FEZ1: variants seen among roughly 807,000 people sequenced by gnomAD.
FEZ1 encodes the protein fasciculation and elongation protein zeta-1.
In FEZ1, 20 loss-of-function variants were observed where a neutral mutation model predicts 49.3. The observed-to-expected ratio is 0.41, with a 90% CI of 0.29 to 0.59. The LOEUF (loss-of-function observed/expected upper bound fraction) is 0.59, where lower values mean the gene tolerates loss of function less well. FEZ1 is among the 20% of genes least tolerant of loss of function. The pLI is 0.36. For missense variants in FEZ1, 413 were observed against 476.0 expected (o/e 0.87, Z 1.23); for synonymous variants, 170 against 180.9 (o/e 0.94, Z 0.48).
intron 5 of FEZ1, among the ~76,000 whole-genome samples, chr11:125,457,499 TGTATATATATAC>T: frequency 1.0e-5 from 1 of 97,712 alleles, no homozygotes; most frequent in East Asian, 3.2e-4. Flanking sequence ...TGTGTATATA[TGTATATATATAC>T]ACATATATAT....
chr11:125,474,784 A>G (rs1957215371), intron 3 of FEZ1, among the ~76,000 whole-genome samples: 1 of 152,136 alleles, frequency 6.6e-6, no homozygotes, highest in Admixed American at 6.5e-5. Flanking sequence ...GCTACTCAGA[A>G]GGCTAAGGCA....
chr11:125,485,780 CAA>C (rs541680089), intron 2 of FEZ1, among the ~76,000 whole-genome samples: 16 of 114,082 alleles, frequency 1.4e-4, no homozygotes, highest in Admixed American at 1.9e-4. Context: ...TACTAAAAGA[CAA>C]AAAAAAAAAA....
chr11:125,489,855 G>A lies in FEZ1; in HGVS notation c.-45-33C>T, dbSNP rs749103078. ...AAATGAACAGCGTAATGTGAGTTTA[G>A]ACCAGGCTAATCTAAATAATAGAGT... On this transcript the variant is annotated intron_variant, in intron 1 of 9. Transcript: ENST00000278919. This position sits in a 1 kb window ranked among gnomAD's most constrained non-coding sequence, Gnocchi z 4.2. 152 of 1,489,736 alleles carry A rather than the reference G, an allele frequency of 1.0e-4. No individual in the cohort carries two copies. Among genetic ancestry groups the A allele is most frequent in the Middle Eastern group, 1.8e-4 (1 of 5,456 alleles). 92.3% of individuals were successfully genotyped at this position (1,489,736 alleles called of 1,614,324 possible).
intron 9 of FEZ1, among the ~76,000 whole-genome samples, chr11:125,447,020 AC>A (rs1399862064): frequency 2.6e-5 from 4 of 152,196 alleles, no homozygotes; most frequent in Non-Finnish European, 5.9e-5. Context: ...TCCCTCTGCA[AC>A]CGTACATAGT....
At chr11:125,463,436 T>G in intron 4 of FEZ1, 48 bp downstream of exon 4, 2 of 1,117,696 alleles carry the variant, frequency 1.8e-6, no homozygotes, top group Non-Finnish European at 2.7e-6. Context: ...GGACTTTTTC[T>G]CCATCAAAAG....
At chr11:125,485,567 G>A (rs1399089691) in intron 2 of FEZ1, among the ~76,000 whole-genome samples, 1 of 152,078 alleles carries the variant, frequency 6.6e-6, no homozygotes, top group Non-Finnish European at 1.5e-5. Flanking sequence ...GTGTTTTGCT[G>A]GTGTGCAGTC....
chr11:125,486,118 T>C (rs925799408), intron 2 of FEZ1, among the ~76,000 whole-genome samples: 1 of 152,226 alleles, frequency 6.6e-6, no homozygotes, highest in African/African-American at 2.4e-5. Context: ...TAGCTGACTA[T>C]TTGGTATTTA....
In FEZ1 at chr11:125,489,803, G is replaced by A. The variant is rs1052413514; in HGVS notation, c.-26C>T. The A allele has an allele frequency of 4.6e-6, 7 of 1,516,528 alleles. No individual in the cohort carries two copies. Among genetic ancestry groups the A allele is most frequent in the African/African-American group, 2.8e-5 (2 of 71,602 alleles). The allele number at this position is 1,516,528 out of a possible 1,614,324, so 93.9% of individuals were successfully genotyped here. ...TCTTGCTCAGCAGGAGAACAACAGC[G>A]ACTTTCAGGATGAGTTTATCTAAAA... On this transcript the variant is annotated 5_prime_UTR_variant, in exon 2 of 10. Coordinates refer to ENST00000278919, the MANE Select transcript of FEZ1 (RefSeq NM_005103.5). This position sits in a 1 kb window ranked among gnomAD's most constrained non-coding sequence, Gnocchi z 4.2.
intron 5 of FEZ1, among the ~76,000 whole-genome samples, chr11:125,457,737 T>C (rs2135746790): frequency 6.6e-6 from 1 of 151,964 alleles, no homozygotes; most frequent in East Asian, 1.9e-4. Context: ...GAGAATGAGG[T>C]ATCCACTCCC....
rs1956870558 is a variant in FEZ1 at position 125,443,148 on chromosome 11, T to C, written c.*2947A>G. 6.6e-6 allele frequency among the ~76,000 whole-genome samples: 1 copy of C among 152,166 alleles called. No individual in the cohort carries two copies. On this transcript the variant is annotated 3_prime_UTR_variant, in exon 10 of 10. Transcript: ENST00000278919. ...GTATTTGCCAGACAGACCTCTGACC[T>C]ACCTAGGAGGGCTCCCTGCAGACCG... is the stretch of plus-strand genomic sequence containing the variant.
intron 8 of FEZ1, among the ~76,000 whole-genome samples, chr11:125,449,777 G>A (rs369800825): frequency 6.6e-5 from 10 of 152,150 alleles, no homozygotes; most frequent in East Asian, 1.9e-4. Context: ...ACTTCATTTC[G>A]ATATCCTTGT....
intron 5 of FEZ1, 132 bp from the exon 6 acceptor site, chr11:125,456,238 C>A: frequency 3.5e-6 from 3 of 851,654 alleles, no homozygotes; most frequent in South Asian, 2.1e-5. Flanking sequence ...CTTAAAGATC[C>A]AAGAAAGACC....
At chr11:125,494,782 G>A (rs1957441157) in intron 1 of FEZ1, among the ~76,000 whole-genome samples, 1 of 152,198 alleles carries the variant, frequency 6.6e-6, no homozygotes, top group South Asian at 2.1e-4. Context: ...TGCACTCGCT[G>A]CATCTCGGGG....
chr11:125,453,472 A>G (rs922387759), intron 7 of FEZ1: 8 of 152,210 alleles, frequency 5.3e-5, no homozygotes, highest in African/African-American at 1.9e-4. Context: ...TAAAACATAT[A>G]CACTTTCATG....
rs1447306950 is a variant in FEZ1, at chr11:125,495,850, G to A, written c.-46+271C>T. 5.7e-5 allele frequency: 18 copies of A among 317,760 alleles called. No homozygotes were observed. In the East Asian group the frequency reaches 1.7e-3, roughly 30 times the overall value. The allele number at this position is 317,760 out of a possible 1,614,324, so 19.7% of individuals were successfully genotyped here. On this transcript the variant is annotated intron_variant, in intron 1 of 9. Transcript: ENST00000278919. This position sits in a 1 kb window ranked among gnomAD's most constrained non-coding sequence, Gnocchi z 4.2. ...CACACACACACCAGGCCTGGCTGGA[G>A]GGCCGATGCTGAGATGATACTGGAA...
intron 3 of FEZ1, among the ~76,000 whole-genome samples, chr11:125,473,979 T>TA (rs1221854052): frequency 4.0e-5 from 6 of 151,834 alleles, no homozygotes; most frequent in Admixed American, 2.0e-4. Flanking sequence ...ACACAAAGTA[T>TA]AAAAAGGAAA....
intron 3 of FEZ1, among the ~76,000 whole-genome samples, chr11:125,474,840 A>G (rs1226992394): frequency 1.3e-5 from 2 of 152,198 alleles, no homozygotes; most frequent in African/African-American, 4.8e-5. Context: ...GTGAGCTGAG[A>G]TTGCACCACT....
At chr11:125,447,121 C>T (rs1956905991) in intron 9 of FEZ1, among the ~76,000 whole-genome samples, 1 of 152,110 alleles carries the variant, frequency 6.6e-6, no homozygotes, top group South Asian at 2.1e-4. Context: ...AAAGGAAAGA[C>T]AATCAGACAA....
chr11:125,448,431 G>C (rs1264457722), intron 9 of FEZ1, 71 bp downstream of exon 9: 3 of 1,020,980 alleles, frequency 2.9e-6, no homozygotes, highest in East Asian at 4.7e-5. Flanking sequence ...GGCAAGCTGG[G>C]AAGGTTCCCT....
Sources: gnomAD v4.1 joint callset for allele counts (sites outside exome capture counted in the v4.1 genomes callset) on GRCh38, gnomAD v4.1.1 for gene constraint, Gnocchi (gnomAD v3.1) non-coding constraint, MANE v1.5 for transcripts, NCBI Gene and HGNC (gene_info 2026-07-23, HGNC 2026-07-21) for gene names.